DNAH2: variants seen among roughly 807,000 people sequenced by gnomAD.
DNAH2 encodes axonemal beta dynein heavy chain 2.
A neutral mutation model predicts 523.5 loss-of-function variants in DNAH2; 323 were observed. The observed-to-expected ratio is 0.62, with a 90% CI of 0.56 to 0.68. The LOEUF is 0.68. Among genes scored for constraint, DNAH2 ranks in the 30% least tolerant of loss-of-function variants. The pLI, the probability that DNAH2 is intolerant of heterozygous loss-of-function variation, is 0.00. For synonymous variants in DNAH2, 2,093 were observed against 2,177.4 expected, an observed-to-expected ratio of 0.96 and a Z score of 1.08; for missense variants, 4,907 against 5,701.5, an observed-to-expected ratio of 0.86 and a Z score of 4.49.
Position 7,766,460 on chromosome 17 carries a change from G to C in DNAH2, c.3654G>C (p.Lys1218Asn). The C allele has an allele frequency of 6.2e-7, 1 of 1,613,812 alleles. No homozygotes were observed. The part of the protein sequence containing the change: ...GIFKIEQPPS[K>N]DLQNLEKELD... The stretch of plus-strand genomic sequence containing the variant: ...TCAAGATCGAGCAGCCACCCTCCAA[G>C]GACCTTCAGAACCTGGAGAAGGTGG... Residue 1218 changes from lysine (K) to asparagine (N), a missense_variant, in exon 22 of 86, where the codon AAG (lysine) becomes AAC (asparagine). By Grantham distance (94) the Lys-to-Asn change is moderately conservative (BLOSUM62 0). Around this residue, in one of 3 missense-constraint regions of DNAH2, gnomAD observed 2,806 missense variants for 3,190.8 expected, o/e 0.88. Transcript: ENST00000572933.
rs1567732175 is a variant in DNAH2 at position 7,807,014 on chromosome 17, G to A, written c.9443-136G>A. On this transcript the variant is annotated intron_variant, in intron 61 of 85. Transcript: ENST00000572933. This position sits in a 1 kb window ranked among gnomAD's most constrained non-coding sequence, Gnocchi z 5.6. Reference sequence around the variant, plus strand: ...AGTCAAGTCAGAGGGAGGAACTAGGGGCCAGGTCAGATAATTTGGCCTTAG... The same window carrying A: ...AGTCAAGTCAGAGGGAGGAACTAGGAGCCAGGTCAGATAATTTGGCCTTAG... 2 of 1,019,138 alleles carry A rather than the reference G, an allele frequency of 2.0e-6. No homozygotes were observed. The highest frequency in any genetic ancestry group is 2.9e-6 in the Non-Finnish European group (2 of 692,294). 63.1% of individuals were successfully genotyped at this position (1,019,138 alleles called of 1,614,324 possible). A position where few individuals can be genotyped will look rare whatever the true frequency, so the allele number is the denominator to read the frequency against.
At chr17:7,726,047 C>T (rs2151122979) in intron 3 of DNAH2, among the ~76,000 whole-genome samples, 1 of 152,186 alleles carries the variant, frequency 6.6e-6, no homozygotes, top group African/African-American at 2.4e-5. Flanking sequence ...GCTCTGTCGC[C>T]CAGGCTGGAG....
In DNAH2 at chr17:7,757,132, G is replaced by T. The variant is rs763203600; in HGVS notation, c.1946G>T (p.Arg649Leu). 1 of 1,614,140 alleles carries T rather than the reference G, an allele frequency of 6.2e-7. No individual in the cohort carries two copies. The highest frequency in any genetic ancestry group is 1.1e-5 in the South Asian group (1 of 91,078). ...TTTGCGGAAATTGACTACTGGGAGC[G>T]GCTGCTGTTTGAGACGCCCCATTAC... ...ILFAEIDYWE[R>L]LLFETPHYVV... The change falls in exon 13 of 86, where the codon CGG becomes CTG. Residue 649 changes from arginine to leucine, a missense_variant. By Grantham distance (102) the Arg-to-Leu change is moderately radical. This residue lies in a region of DNAH2 where 2,806 missense variants were observed against 3,190.8 expected (regional missense o/e 0.88). Coordinates refer to ENST00000572933, the MANE Select transcript of DNAH2 (RefSeq NM_020877.5).
chr17:7,719,919 A>C lies in DNAH2; in HGVS notation c.166+19A>C, dbSNP rs1277841006. 2 of 1,496,868 alleles carry C rather than the reference A, an allele frequency of 1.3e-6. No homozygotes were observed. Among genetic ancestry groups the C allele is most frequent in the African/African-American group, 2.8e-5 (2 of 71,546 alleles). The allele number at this position is 1,496,868 out of a possible 1,614,324, so 92.7% of individuals were successfully genotyped here. A position where few individuals can be genotyped will look rare whatever the true frequency, so the allele number is the denominator to read the frequency against. ...GAGCCTGGTGGGTACTTGCTGGGGCAGAGGATGCTTAGCAATGGAGGGTGG... is the reference window on the plus strand; with the variant it reads ...GAGCCTGGTGGGTACTTGCTGGGGCCGAGGATGCTTAGCAATGGAGGGTGG... On this transcript the variant is annotated intron_variant, in intron 2 of 85. Coordinates refer to ENST00000572933, the MANE Select transcript of DNAH2 (RefSeq NM_020877.5).
At chr17:7,753,841 G>T (rs190829657) in intron 12 of DNAH2, among the ~76,000 whole-genome samples, 1 of 152,156 alleles carries the variant, frequency 6.6e-6, no homozygotes, top group Non-Finnish European at 1.5e-5. Flanking sequence ...CCAGCTACTC[G>T]GAAGGCTGAG....
chr17:7,730,950 A>G (rs929687260), intron 4 of DNAH2, among the ~76,000 whole-genome samples: 4 of 151,970 alleles, frequency 2.6e-5, no homozygotes, highest in Non-Finnish European at 5.9e-5. Context: ...CCCTGTCTCT[A>G]CTAAAAATAC....
intron 21 of DNAH2, among the ~76,000 whole-genome samples, 188 bp downstream of exon 21, chr17:7,765,753 C>T (rs889043520): frequency 6.6e-6 from 1 of 151,688 alleles, no homozygotes; most frequent in Non-Finnish European, 1.5e-5. Flanking sequence ...TAGACAGCGG[C>T]GCAGCTCACA....
chr17:7,814,392 T>A (rs933983525), intron 63 of DNAH2, among the ~76,000 whole-genome samples: 2 of 152,056 alleles, frequency 1.3e-5, no homozygotes, highest in African/African-American at 4.8e-5. Context: ...GTAGATGAAA[T>A]ATATATAGCA....
rs201535618 is a variant in DNAH2, at chr17:7,770,284, G to C, written c.3974G>C (p.Arg1325Pro). ...HWDQVRDEIQREFDQESESFT... is the reference protein window; with the variant it reads ...HWDQVRDEIQPEFDQESESFT... The stretch of plus-strand genomic sequence containing the variant: ...GACCAGGTCCGGGATGAGATCCAGC[G>C]GGAGTTTGATCAGGAATCTGAAAGC... Residue 1325 changes from arginine (R) to proline (P), a missense_variant, in exon 25 of 86, where the codon CGG becomes CCG. Transcript: ENST00000572933. 5.0e-6 allele frequency: 8 copies of C among 1,613,138 alleles called. No homozygotes were observed. In the East Asian group the frequency reaches 1.8e-4, roughly 36 times the overall value.
chr17:7,801,810 A>G (rs1441037454), intron 57 of DNAH2, 68 bp from the exon 58 acceptor site: 3 of 1,608,470 alleles, frequency 1.9e-6, no homozygotes, highest in South Asian at 1.1e-5. Context: ...CCCGCCTCTC[A>G]TCGCACTCCC....
chr17:7,818,676 C>T lies in DNAH2; in HGVS notation c.10570C>T (p.Arg3524Trp). The change falls in exon 70 of 86, where the codon CGG becomes TGG. Residue 3524 changes from arginine (R) to tryptophan (W), a missense_variant. By Grantham distance (101) the Arg-to-Trp change is moderately radical. This residue lies in a region of DNAH2 where 1,851 missense variants were observed against 2,139.4 expected (regional missense o/e 0.87). Transcript: ENST00000572933. Reference protein sequence around the residue: ...LEAQLLGIVVRKERPELEEQK... With the variant: ...LEAQLLGIVVWKERPELEEQK... ...GGCCCAGCTGCTGGGCATTGTGGTG[C>T]GGAAGGAGCGGCCTGAGCTGGAGGA... The T allele has an allele frequency of 2.5e-6, 4 of 1,613,996 alleles. No homozygotes were observed. The highest frequency in any genetic ancestry group is 2.2e-5 in the East Asian group (1 of 44,870).
rs760992048 is a variant in DNAH2 at position 7,740,823 on chromosome 17, C to T, written c.1520C>T (p.Thr507Ile). ...RLASREAIKRTYDKKAVDLYM... is the reference protein window; with the variant it reads ...RLASREAIKRIYDKKAVDLYM... ...CTTCTTCCCTAGGCTATCAAGCGGA[C>T]TTATGACAAGAAGGCGGTGGATCTC... Residue 507 changes from threonine (T) to isoleucine (I), a missense_variant, in exon 11 of 86, where the codon ACT becomes ATT. Thr to Ile is a moderately conservative substitution (Grantham distance 89, BLOSUM62 -1). Around this residue, in one of 3 missense-constraint regions of DNAH2, gnomAD observed 2,806 missense variants for 3,190.8 expected, o/e 0.88. Coordinates refer to ENST00000572933, the MANE Select transcript of DNAH2 (RefSeq NM_020877.5). The T allele has an allele frequency of 6.2e-7, 1 of 1,608,730 alleles. No homozygotes were observed. Among genetic ancestry groups the T allele is most frequent in the Non-Finnish European group, 8.5e-7 (1 of 1,175,466 alleles).
intron 5 of DNAH2, 95 bp from the exon 6 acceptor site, chr17:7,734,088 C>G: frequency 1.9e-6 from 2 of 1,064,118 alleles, no homozygotes; most frequent in Non-Finnish European, 2.7e-6. Context: ...AATGCATATG[C>G]TTCCTGGTCC....
rs746983159 is a variant in DNAH2 at position 7,740,523 on chromosome 17, A to G, written c.1480A>G (p.Thr494Ala). The G allele has an allele frequency of 6.2e-7, 1 of 1,613,896 alleles. No homozygotes were observed. The highest frequency in any genetic ancestry group is 1.7e-5 in the Admixed American group (1 of 60,016). Residue 494 changes from threonine to alanine, a missense_variant, in exon 10 of 86, where the codon ACC becomes GCC. Coordinates refer to ENST00000572933, the MANE Select transcript of DNAH2 (RefSeq NM_020877.5). Reference sequence around the variant, plus strand: ...GCCGCACGGCGTGCTTCTGCTGGACACCTTCCACAGGCTTGCCTCCCGCGA... The same window carrying G: ...GCCGCACGGCGTGCTTCTGCTGGACGCCTTCCACAGGCTTGCCTCCCGCGA... Reference protein sequence around the residue: ...DVPHGVLLLDTFHRLASREAI... With the variant: ...DVPHGVLLLDAFHRLASREAI...
Position 7,807,727 on chromosome 17 carries a change from C to G in DNAH2, c.9729+141C>G. On this transcript the variant is annotated intron_variant, in intron 63 of 85. Coordinates refer to ENST00000572933, the MANE Select transcript of DNAH2 (RefSeq NM_020877.5). This position sits in a 1 kb window ranked among gnomAD's most constrained non-coding sequence, Gnocchi z 5.6. ...ATTCCAGTCCTGTCTCCTTCCCACT[C>G]TGTGCCCTGTTTAGACTGGGCTGCC... 1 of 748,998 alleles carries G rather than the reference C, an allele frequency of 1.3e-6. No individual in the cohort carries two copies. Among genetic ancestry groups the G allele is most frequent in the South Asian group, 1.7e-5 (1 of 58,120 alleles). The allele number at this position is 748,998 out of a possible 1,614,324, so 46.4% of individuals were successfully genotyped here. A position where few individuals can be genotyped will look rare whatever the true frequency, so the allele number is the denominator to read the frequency against.
intron 63 of DNAH2, among the ~76,000 whole-genome samples, chr17:7,809,337 G>A (rs770124495): frequency 2.0e-4 from 31 of 151,852 alleles, no homozygotes; most frequent in Non-Finnish European, 4.0e-4. Flanking sequence ...GCTCATCCCC[G>A]TTTTTTTCCT....
Position 7,786,304 on chromosome 17 carries a change from C to T in DNAH2, c.6310C>T (p.Leu2104=), listed in dbSNP as rs773146360. ...CATTCTACAGGCCTCCCTGTCCTCTCTGTGCCGCGCCGGAGACCCTAACTT... is the reference window on the plus strand; with the variant it reads ...CATTCTACAGGCCTCCCTGTCCTCTTTGTGCCGCGCCGGAGACCCTAACTT... ...WRILQASLSS[L]CRAGDPNFNI... Residue 2104 remains leucine (L), a synonymous_variant, in exon 40 of 86, where the codon CTG becomes TTG. Transcript: ENST00000572933. This position sits in a 1 kb window ranked among gnomAD's most constrained non-coding sequence, Gnocchi z 7.5. The T allele has an allele frequency of 1.1e-5, 18 of 1,613,680 alleles. No individual in the cohort carries two copies. Among genetic ancestry groups the T allele is most frequent in the East Asian group, 2.2e-5 (1 of 44,890 alleles).
At chr17:7,732,434 CAA>C (rs796065817) in intron 4 of DNAH2, among the ~76,000 whole-genome samples, 1,034 of 54,508 alleles carry the variant, frequency 0.019, 5 homozygotes, top group African/African-American at 0.057. Context: ...GACTCCATCT[CAA>C]AAAAAAAAAA....
chr17:7,737,495 G>A (rs780289897), intron 8 of DNAH2, among the ~76,000 whole-genome samples: 1 of 152,236 alleles, frequency 6.6e-6, no homozygotes, highest in Non-Finnish European at 1.5e-5. Context: ...CAGGAAGAGG[G>A]GCTTCAGAAG....
Sources: allele counts gnomAD v4.1 joint callset (sites outside exome capture counted in the v4.1 genomes callset), GRCh38; gene constraint gnomAD v4.1.1; regional missense constraint gnomAD v4.1.1; non-coding constraint Gnocchi (gnomAD v3.1); transcripts MANE v1.5; gene names NCBI Gene and HGNC (gene_info 2026-07-23, HGNC 2026-07-21).